Variants in CLDN10 observed in about 807,000 individuals in gnomAD.
The protein encoded by CLDN10 is claudin-10.
A neutral mutation model predicts 22.9 loss-of-function variants in CLDN10; 15 were observed. The observed-to-expected ratio is 0.65, with a 90% CI of 0.44 to 1.01. The LOEUF is 1.01. CLDN10 is among the 50% of genes least tolerant of loss of function. The probability of loss-of-function intolerance (pLI) is 0.00; values close to 1 mark genes in which losing one functional copy is unlikely to be tolerated. For synonymous variants in CLDN10, 114 were observed against 111.4 expected (o/e 1.02, Z -0.15); for missense variants, 247 against 287.8 (o/e 0.86, Z 1.03).
intron 1 of CLDN10, among the ~76,000 whole-genome samples, chr13:95,463,328 G>C (rs1480400017): frequency 1.6e-4 from 5 of 30,716 alleles, no homozygotes; most frequent in African/African-American, 2.5e-4. Context: ...ATATATATTT[G>C]CCTTTTTTTT....
intron 1 of CLDN10, among the ~76,000 whole-genome samples, chr13:95,474,844 G>C (rs2042669707): frequency 6.6e-6 from 1 of 152,132 alleles, no homozygotes; most frequent in Non-Finnish European, 1.5e-5. Context: ...ATGGGGGTGG[G>C]GCAGGCGTGG....
intron 1 of CLDN10, among the ~76,000 whole-genome samples, chr13:95,544,308 T>C (rs1469822154): frequency 6.6e-6 from 1 of 152,214 alleles, no homozygotes; most frequent in African/African-American, 2.4e-5. Context: ...AAAATTACAA[T>C]ATAATCTTTC....
chr13:95,509,459 C>T (rs1364111879), intron 1 of CLDN10, among the ~76,000 whole-genome samples: 6 of 152,096 alleles, frequency 3.9e-5, no homozygotes, highest in African/African-American at 7.2e-5. Flanking sequence ...CCTGAAATTC[C>T]TTAATTCAGA....
chr13:95,553,667 C>A (rs1364077424), intron 1 of CLDN10, among the ~76,000 whole-genome samples: 3 of 152,234 alleles, frequency 2.0e-5, no homozygotes, highest in African/African-American at 7.2e-5. Flanking sequence ...AATCTTGGGC[C>A]GTGAGAGCGT....
chr13:95,566,677 TAGTC>T (rs1433207824), intron 3 of CLDN10, among the ~76,000 whole-genome samples: 7 of 152,206 alleles, frequency 4.6e-5, no homozygotes, highest in African/African-American at 1.7e-4. Context: ...TTTGGTGTTT[TAGTC>T]AGGAAGTCTT....
upstream of CLDN10, among the ~76,000 whole-genome samples, chr13:95,551,187 T>G (rs1000913944): frequency 1.2e-4 from 19 of 152,184 alleles, no homozygotes; most frequent in Non-Finnish European, 7.4e-5. Context: ...TAGGACTTAC[T>G]TCGTGTTCTC....
upstream of CLDN10, among the ~76,000 whole-genome samples, chr13:95,550,894 C>T (rs899504757): frequency 2.2e-5 from 3 of 134,218 alleles, no homozygotes; most frequent in Non-Finnish European, 3.0e-5. Context: ...AGGATAGTCT[C>T]GATCTCCTGA....
chr13:95,512,121 C>CTTTT (rs57359573), intron 1 of CLDN10, among the ~76,000 whole-genome samples: 3 of 10,492 alleles, frequency 2.9e-4, no homozygotes, highest in Middle Eastern at 0.083. Flanking sequence ...ATCGTCTCTC[C>CTTTT]TTTTTTTTTG....
At chr13:95,455,086 AGG>A (rs2042469433) in intron 1 of CLDN10, among the ~76,000 whole-genome samples, 1 of 151,784 alleles carries the variant, frequency 6.6e-6, no homozygotes, top group African/African-American at 2.4e-5. Context: ...CTGAGGTGGG[AGG>A]ACTGCTTAAG....
intron 1 of CLDN10, among the ~76,000 whole-genome samples, chr13:95,505,598 G>C (rs1179852706): frequency 6.6e-6 from 1 of 152,150 alleles, no homozygotes; most frequent in African/African-American, 2.4e-5. Flanking sequence ...ACAACTCAAA[G>C]CTCTCATCTC....
In CLDN10 at chr13:95,542,717, G is replaced by A. The variant is rs1441591231; in HGVS notation, c.215-17415G>A. On this transcript the variant is annotated intron_variant, in intron 1 of 4. Coordinates refer to the CLDN10 transcript ENST00000376873. Reference sequence around the variant, plus strand: ...AGCTACTCGGGGGGCTGAGGCAGGAGAATCTCTTGAACCCAGGAGGCAGAA... The same window carrying A: ...AGCTACTCGGGGGGCTGAGGCAGGAAAATCTCTTGAACCCAGGAGGCAGAA... Among the ~76,000 whole-genome samples the A allele has an allele frequency of 1.5e-4, 23 of 152,190 alleles. 1 individual carries two copies. The highest frequency in any genetic ancestry group is 3.2e-4 in the Non-Finnish European group (22 of 68,046).
intron 3 of CLDN10, among the ~76,000 whole-genome samples, chr13:95,572,964 TAA>T (rs1261629713): frequency 6.6e-6 from 1 of 152,200 alleles, no homozygotes; most frequent in Non-Finnish European, 1.5e-5. Context: ...AGGATTACTC[TAA>T]ATGGCTAAAC....
At chr13:95,488,531 C>T (rs1192503490) in intron 1 of CLDN10, among the ~76,000 whole-genome samples, 1 of 152,092 alleles carries the variant, frequency 6.6e-6, no homozygotes, top group Non-Finnish European at 1.5e-5. Context: ...ACTCTTCCCC[C>T]CAAGTCCCCA....
At chr13:95,439,984 A>G (rs2042309633) in intron 1 of CLDN10, among the ~76,000 whole-genome samples, 1 of 151,112 alleles carries the variant, frequency 6.6e-6, no homozygotes, top group Non-Finnish European at 1.5e-5. Context: ...CGTGATCCCA[A>G]CTCACCACAA....
At chr13:95,571,342 TC>T (rs1174868250) in intron 3 of CLDN10, among the ~76,000 whole-genome samples, 8 of 152,298 alleles carry the variant, frequency 5.3e-5, no homozygotes, top group African/African-American at 1.7e-4. Flanking sequence ...ATTTTAGGTT[TC>T]CTAAATGTAA....
chr13:95,449,376 C>T (rs774937237), intron 1 of CLDN10, among the ~76,000 whole-genome samples: 113 of 151,886 alleles, frequency 7.4e-4, no homozygotes, highest in Non-Finnish European at 1.0e-3. Context: ...CTCAGCCTCC[C>T]GAGTAGCTGG....
intron 1 of CLDN10, among the ~76,000 whole-genome samples, chr13:95,520,314 T>C (rs1165817376): frequency 2.0e-5 from 3 of 152,236 alleles, no homozygotes; most frequent in Non-Finnish European, 4.4e-5. Context: ...ATCTCAAATA[T>C]TTATTTTAAA....
At chr13:95,437,048 G>A (rs962639556) in intron 1 of CLDN10, among the ~76,000 whole-genome samples, 4 of 152,082 alleles carry the variant, frequency 2.6e-5, no homozygotes, top group Non-Finnish European at 5.9e-5. Context: ...AAGCTGTCTC[G>A]GTTGTATTTT....
Position 95,466,876 on chromosome 13 carries a change from C to CT in CLDN10, c.214+32847dup, listed in dbSNP as rs1312550565. On this transcript the variant is annotated intron_variant, in intron 1 of 4. Coordinates refer to the CLDN10 transcript ENST00000376873. ...TTTTGTTTCCTCTATACCCCCTCTA[C>CT]TTTTTTTTTTTTTTTTTTGAGACAG... is the stretch of plus-strand genomic sequence containing the variant. 7.7e-3 allele frequency among the ~76,000 whole-genome samples: 1,058 copies of CT among 136,848 alleles called. 16 individuals carry two copies. The highest frequency in any genetic ancestry group is 0.015 in the African/African-American group (535 of 36,796). 89.8% of individuals were successfully genotyped at this position (136,848 alleles called of 152,430 possible).
Sources: gnomAD v4.1 joint callset for allele counts (sites outside exome capture counted in the v4.1 genomes callset) on GRCh38, gnomAD v4.1.1 for gene constraint, MANE v1.5 for transcripts, NCBI Gene and HGNC (gene_info 2026-07-23, HGNC 2026-07-21) for gene names.